Variants in FER observed in about 807,000 individuals in gnomAD.
The protein encoded by FER is tyrosine-protein kinase Fer.
A neutral mutation model predicts 111.0 loss-of-function variants in FER; 63 were observed. The observed-to-expected ratio is 0.57, with a 90% confidence interval of 0.46 to 0.70. The LOEUF is 0.70. Ranked by LOEUF, FER falls within the 30% of genes least tolerant of loss-of-function variation. The pLI, the probability that FER is intolerant of heterozygous loss-of-function variation, is 0.00. For missense variants in FER, 914 were observed against 954.0 expected (o/e 0.96, Z 0.55); for synonymous variants, 327 against 313.9 (o/e 1.04, Z -0.44).
chr5:108,844,992 GTGTGTATATATATATATATATATA>G (rs1196532670), intron 5 of FER, among the ~76,000 whole-genome samples: 1 of 38,274 alleles, frequency 2.6e-5, no homozygotes, highest in African/African-American at 1.2e-4. Flanking sequence ...TGGTGTGTGT[GTGTGTATATATATATATATATATA>G]TATATATATA....
chr5:108,849,509 G>T (rs1762348862), intron 5 of FER, among the ~76,000 whole-genome samples: 1 of 151,866 alleles, frequency 6.6e-6, no homozygotes, highest in African/African-American at 2.4e-5. Context: ...TGTTATCTCA[G>T]GCAGTATAGG....
rs930572212 is a variant in FER, at chr5:108,835,188, C to CT, written c.382-520_382-519insT. Among the ~76,000 whole-genome samples the CT allele has an allele frequency of 8.2e-5, 9 of 109,230 alleles. 1 individual carries two copies. Among genetic ancestry groups the CT allele is most frequent in the African/African-American group, 8.0e-5 (2 of 25,098 alleles). 71.7% of individuals were successfully genotyped at this position (109,230 alleles called of 152,430 possible). ...TGTTATTTCTTCGTTTGCGCCACCCCCCCCCCCCCACTTTTTTTTTGAGTC... is the reference window on the plus strand; with the variant it reads ...TGTTATTTCTTCGTTTGCGCCACCCCTCCCCCCCCCACTTTTTTTTTGAGTC... On this transcript the variant is annotated intron_variant, in intron 4 of 19. Transcript: ENST00000281092.
At chr5:109,154,661 G>T (rs1755179762) in intron 17 of FER, among the ~76,000 whole-genome samples, 1 of 151,788 alleles carries the variant, frequency 6.6e-6, no homozygotes, top group Non-Finnish European at 1.5e-5. Context: ...TTCAGAGAAA[G>T]GAAAAGTACT....
intron 17 of FER, among the ~76,000 whole-genome samples, chr5:109,146,253 AATATATATATATATATATATATATAT>A (rs6149172): frequency 1.2e-4 from 5 of 42,130 alleles, no homozygotes; most frequent in African/African-American, 3.6e-4. Context: ...TAATCTATCT[AATATATATATATATATATATATATAT>A]ATATATATAT....
chr5:108,859,957 T>TA (rs1763353190), intron 5 of FER, among the ~76,000 whole-genome samples: 1 of 149,656 alleles, frequency 6.7e-6, no homozygotes, highest in African/African-American at 2.4e-5. Flanking sequence ...TTATTATTAT[T>TA]TTGAGATGGA....
chr5:108,786,550 G>C (rs966796519), intron 2 of FER, among the ~76,000 whole-genome samples: 2 of 152,086 alleles, frequency 1.3e-5, no homozygotes, highest in Admixed American at 6.6e-5. Context: ...ACACAGGCTG[G>C]AGTGCAGTGA....
At chr5:108,837,196 T>C (rs1760756743) in intron 5 of FER, among the ~76,000 whole-genome samples, 2 of 152,198 alleles carry the variant, frequency 1.3e-5, no homozygotes, top group East Asian at 3.8e-4. Flanking sequence ...CTAATTATTA[T>C]TCCTTTGTTA....
At chr5:108,891,667 C>G (rs370376695) in intron 9 of FER, 2 of 140,904 alleles carry the variant, frequency 1.4e-5, no homozygotes, top group African/African-American at 2.6e-5. Flanking sequence ...TTTTTTTTTT[C>G]TTTTTTTTTT....
At chr5:108,951,874 T>G (rs945634039) in intron 11 of FER, among the ~76,000 whole-genome samples, 1 of 152,168 alleles carries the variant, frequency 6.6e-6, no homozygotes, top group Non-Finnish European at 1.5e-5. Context: ...CTTCATTACA[T>G]ACTTGAGAAT....
At chr5:109,015,609 T>C (rs1159013816) in intron 13 of FER, among the ~76,000 whole-genome samples, 1 of 151,888 alleles carries the variant, frequency 6.6e-6, no homozygotes, top group Non-Finnish European at 1.5e-5. Context: ...ACAGGTGACA[T>C]AAGCATGAAC....
At chr5:108,914,221 A>T (rs1751941831) in intron 10 of FER, among the ~76,000 whole-genome samples, 1 of 145,192 alleles carries the variant, frequency 6.9e-6, no homozygotes, top group African/African-American at 2.6e-5. Flanking sequence ...AGCATGCTTA[A>T]CTTGTCTCTC....
chr5:108,967,420 A>G (rs1381171498), intron 13 of FER, among the ~76,000 whole-genome samples: 1 of 152,086 alleles, frequency 6.6e-6, no homozygotes, highest in Non-Finnish European at 1.5e-5. Context: ...GTATGCAGAA[A>G]AGGTTAAAAG....
At chr5:108,771,417 G>C (rs894645975) in intron 2 of FER, among the ~76,000 whole-genome samples, 1 of 152,104 alleles carries the variant, frequency 6.6e-6, no homozygotes, top group Non-Finnish European at 1.5e-5. Flanking sequence ...TTTAGTAGTA[G>C]TAGGATTTTA....
At chr5:108,862,592 TGA>T (rs879374521) in intron 5 of FER, among the ~76,000 whole-genome samples, 200 of 152,086 alleles carry the variant, frequency 1.3e-3, no homozygotes, top group Non-Finnish European at 1.8e-3. Context: ...TGGAATTCAG[TGA>T]ATTGATTATA....
At chr5:109,027,348 GAA>G (rs1768901933) in intron 13 of FER, among the ~76,000 whole-genome samples, 1 of 152,038 alleles carries the variant, frequency 6.6e-6, no homozygotes, top group Admixed American at 6.6e-5. Flanking sequence ...ATTTAAAAAT[GAA>G]AATGTTGAAT....
intron 13 of FER, among the ~76,000 whole-genome samples, chr5:109,030,845 CT>C (rs981689347): frequency 3.3e-5 from 5 of 151,920 alleles, no homozygotes; most frequent in African/African-American, 9.7e-5. Flanking sequence ...CAGGATAGGT[CT>C]TTTTTTTGTG....
chr5:108,974,830 A>G (rs957380410), intron 13 of FER, among the ~76,000 whole-genome samples: 3 of 152,246 alleles, frequency 2.0e-5, no homozygotes, highest in Non-Finnish European at 4.4e-5. Context: ...GAAATAGATT[A>G]TTTCCTTATA....
intron 17 of FER, among the ~76,000 whole-genome samples, chr5:109,171,352 A>G (rs896261112): frequency 2.0e-5 from 3 of 152,206 alleles, no homozygotes; most frequent in African/African-American, 7.2e-5. Context: ...AAACTCTGTT[A>G]ATCCCTAGTC....
chr5:108,849,046 A>G (rs1762298720), intron 5 of FER, among the ~76,000 whole-genome samples: 2 of 151,676 alleles, frequency 1.3e-5, no homozygotes, highest in African/African-American at 4.8e-5. Context: ...TGAACATTTC[A>G]TTTTCCTTTG....
Sources: gnomAD v4.1 joint callset for allele counts (sites outside exome capture counted in the v4.1 genomes callset) on GRCh38, gnomAD v4.1.1 for gene constraint, MANE v1.5 for transcripts, NCBI Gene and HGNC (gene_info 2026-07-23, HGNC 2026-07-21) for gene names.